Variants in MCPH1 observed in about 807,000 individuals in gnomAD.
MCPH1 encodes microcephalin.
In MCPH1, 104 loss-of-function variants were observed where a neutral mutation model predicts 84.5. That is an observed-to-expected ratio of 1.23 (90% CI 1.05 to 1.45). The LOEUF is 1.45. Ranked by LOEUF, MCPH1 falls within the 40% of genes most tolerant of loss-of-function variation. The probability of loss-of-function intolerance (pLI) is 0.00; values close to 1 mark genes in which losing one functional copy is unlikely to be tolerated. For missense variants in MCPH1, 1,498 were observed against 1,005.7 expected (o/e 1.49, Z -6.62); for synonymous variants, 514 against 366.8 (o/e 1.40, Z -4.58).
chr8:6,414,653 C>T, intron 2 of MCPH1, 112 bp from the exon 3 acceptor site: 2 of 1,164,778 alleles, frequency 1.7e-6, no homozygotes, highest in East Asian at 2.5e-5. Context: ...TTGAGTGTTT[C>T]TCTGTCAGAT....
At chr8:6,505,503 G>A (rs1563307533) in intron 12 of MCPH1, among the ~76,000 whole-genome samples, 97 of 3,994 alleles carry the variant, frequency 0.024, 3 homozygotes, top group African/African-American at 0.038. Context: ...CTTTATATAT[G>A]TATATATAGA....
intron 12 of MCPH1, among the ~76,000 whole-genome samples, chr8:6,562,217 A>G (rs908938590): frequency 2.0e-5 from 3 of 152,168 alleles, no homozygotes; most frequent in East Asian, 1.9e-4. Flanking sequence ...CATGGTTGTC[A>G]CGGTCTCTCT....
At chr8:6,479,253 T>A (rs1394483193) in intron 10 of MCPH1, among the ~76,000 whole-genome samples, 1 of 148,840 alleles carries the variant, frequency 6.7e-6, no homozygotes, top group Non-Finnish European at 1.5e-5. Context: ...GGCAACAGAG[T>A]GAGACCCTGT....
chr8:6,477,084 A>G lies in MCPH1; in HGVS notation c.1936-510A>G, dbSNP rs570242518. Among the ~76,000 whole-genome samples, 8 of 152,326 alleles carry G rather than the reference A, an allele frequency of 5.3e-5. 1 individual carries two copies. The East Asian group carries it at 1.5e-3, about 29-fold the overall frequency. On this transcript the variant is annotated intron_variant, in intron 9 of 13. Transcript: ENST00000344683. The stretch of plus-strand genomic sequence containing the variant: ...TTTAAATTTTTTTCAATTCCAGTTG[A>G]TAGCAGATGTCAATAGAACAAATAA...
chr8:6,538,327 G>C (rs1203619283), intron 12 of MCPH1, among the ~76,000 whole-genome samples: 2 of 152,128 alleles, frequency 1.3e-5, no homozygotes, highest in African/African-American at 4.8e-5. Flanking sequence ...CCCGCCCAGG[G>C]TCCACTGTCC....
rs1045436178 is a variant in MCPH1, at chr8:6,532,241, T to G, written c.2214+32312T>G. 5.3e-5 allele frequency: 78 copies of G among 1,465,422 alleles called. No homozygotes were observed. In the South Asian group the frequency reaches 6.7e-4, roughly 13 times the overall value. 90.8% of individuals were successfully genotyped at this position (1,465,422 alleles called of 1,614,324 possible). A position where few individuals can be genotyped will look rare whatever the true frequency, so the allele number is the denominator to read the frequency against. On this transcript the variant is annotated intron_variant, in intron 12 of 13. Transcript: ENST00000344683. The stretch of plus-strand genomic sequence containing the variant: ...CTCCTGTGGTGGTGCTTTCTTTAGT[T>G]TCTCATGCCTTCATTGAGGAAGCTC...
chr8:6,549,284 G>C (rs1823163178), intron 12 of MCPH1, among the ~76,000 whole-genome samples: 1 of 152,220 alleles, frequency 6.6e-6, no homozygotes, highest in Non-Finnish European at 1.5e-5. Flanking sequence ...TGATGGAAAA[G>C]AAGAAACTTT....
At position 6,431,606 on chromosome 8, in the gene MCPH1, G is replaced by A; in HGVS notation, c.321+20G>A. 6.9e-7 allele frequency: 1 copy of A among 1,445,070 alleles called. No homozygotes were observed. Among genetic ancestry groups the A allele is most frequent in the Non-Finnish European group, 9.7e-7 (1 of 1,035,614 alleles). The allele number at this position is 1,445,070 out of a possible 1,614,324, so 89.5% of individuals were successfully genotyped here. A position where few individuals can be genotyped will look rare whatever the true frequency, so the allele number is the denominator to read the frequency against. On this transcript the variant is annotated intron_variant, in intron 4 of 13. Coordinates refer to ENST00000344683, the MANE Select transcript of MCPH1 (RefSeq NM_024596.5). ...AAAAAAGTAAGTACATGATTTCAAT[G>A]TAGATAATGGCAATTAGGAATTTAT...
At chr8:6,638,866 C>T (rs1033901467) in intron 13 of MCPH1, among the ~76,000 whole-genome samples, 3 of 152,150 alleles carry the variant, frequency 2.0e-5, no homozygotes, top group Non-Finnish European at 4.4e-5. Flanking sequence ...TGGACATGAC[C>T]CTGGAGCTGT....
chr8:6,531,526 AG>A (rs1248504104), intron 12 of MCPH1, among the ~76,000 whole-genome samples: 1 of 152,072 alleles, frequency 6.6e-6, no homozygotes, highest in African/African-American at 2.4e-5. Context: ...TCCTGACCTC[AG>A]GTGATCCACC....
chr8:6,551,924 T>C, intron 12 of MCPH1, among the ~76,000 whole-genome samples: 1 of 152,358 alleles, frequency 6.6e-6, no homozygotes, highest in Non-Finnish European at 1.5e-5. Flanking sequence ...AATAATTTTT[T>C]GAGATTCCAA....
chr8:6,502,598 T>C (rs1403438276), intron 12 of MCPH1: 1 of 152,510 alleles, frequency 6.6e-6, no homozygotes, highest in African/African-American at 2.4e-5. Context: ...CTTCTCAGAA[T>C]ATCCCTGAAT....
chr8:6,512,987 G>A (rs1313332327), intron 12 of MCPH1, among the ~76,000 whole-genome samples: 1 of 152,158 alleles, frequency 6.6e-6, no homozygotes, highest in Non-Finnish European at 1.5e-5. Flanking sequence ...ACTAACTTTT[G>A]AAACCTTTTG....
At chr8:6,464,303 G>A (rs1393250875) in intron 9 of MCPH1, among the ~76,000 whole-genome samples, 2 of 152,310 alleles carry the variant, frequency 1.3e-5, no homozygotes, top group East Asian at 1.9e-4. Context: ...GGGTCCATCA[G>A]CAGATGTTGC....
intron 12 of MCPH1, among the ~76,000 whole-genome samples, chr8:6,552,865 G>A (rs1823901129): frequency 6.6e-6 from 1 of 151,838 alleles, no homozygotes; most frequent in Admixed American, 6.6e-5. Flanking sequence ...GTCCGAAAAG[G>A]CTGTATATTT....
intron 7 of MCPH1, among the ~76,000 whole-genome samples, chr8:6,443,809 G>A (rs1009899978): frequency 1.3e-5 from 2 of 152,182 alleles, no homozygotes; most frequent in Non-Finnish European, 1.5e-5. Context: ...AAGGCCCAGA[G>A]GGTACAGAGG....
In MCPH1 at chr8:6,632,547, T is replaced by C. The variant is rs115434122; in HGVS notation, c.2453-10447T>C. Among the ~76,000 whole-genome samples the C allele has an allele frequency of 6.0e-3, 909 of 152,322 alleles. 3 individuals carry two copies. The highest frequency in any genetic ancestry group is 0.019 in the African/African-American group (807 of 41,572). On this transcript the variant is annotated intron_variant, in intron 13 of 13. Coordinates refer to ENST00000344683, the MANE Select transcript of MCPH1 (RefSeq NM_024596.5). ...ATCTGAGGCTGAGCGCAGTGACTCA[T>C]GCCTGTAATCCCAACACTTTGGAAG...
chr8:6,472,465 T>G (rs746063631), intron 9 of MCPH1, among the ~76,000 whole-genome samples: 3 of 152,144 alleles, frequency 2.0e-5, no homozygotes, highest in Non-Finnish European at 4.4e-5. Flanking sequence ...GACAGTTTTT[T>G]GTTTTGTTTT....
At chr8:6,625,818 C>G (rs1195950315) in intron 13 of MCPH1, 10 of 985,318 alleles carry the variant, frequency 1.0e-5, no homozygotes, top group Admixed American at 6.1e-5. Flanking sequence ...TTTTCAGTGC[C>G]TTTATATTGT....
Sources: allele counts gnomAD v4.1 joint callset (sites outside exome capture counted in the v4.1 genomes callset), GRCh38; gene constraint gnomAD v4.1.1; transcripts MANE v1.5; gene names NCBI Gene and HGNC (gene_info 2026-07-23, HGNC 2026-07-21).